DPP10: variants seen among roughly 807,000 people sequenced by gnomAD.
DPP10 encodes dipeptidyl peptidase like 10.
In DPP10, 33 loss-of-function variants were observed where a neutral mutation model predicts 120.9. The observed-to-expected ratio is 0.27, with a 90% confidence interval of 0.21 to 0.37. The LOEUF (loss-of-function observed/expected upper bound fraction) is 0.37. Ranked by LOEUF, DPP10 falls within the 10% of genes least tolerant of loss-of-function variation. The probability of loss-of-function intolerance (pLI) is 1.00; values close to 1 mark genes in which losing one functional copy is unlikely to be tolerated. For synonymous variants in DPP10, 337 were observed against 326.1 expected, an observed-to-expected ratio of 1.03 and a Z score of -0.36; for missense variants, 816 against 942.8, an observed-to-expected ratio of 0.87 and a Z score of 1.76.
At chr2:115,815,933 T>A (rs1687178714) in intron 21 of DPP10, among the ~76,000 whole-genome samples, 1 of 151,556 alleles carries the variant, frequency 6.6e-6, no homozygotes, top group Non-Finnish European at 1.5e-5. Context: ...ATATATATAA[T>A]ATATGTATAT....
At position 114,774,374 on chromosome 2, in the gene DPP10, A is replaced by G. The variant is rs192230019; in HGVS notation, c.60+331536A>G. Among the ~76,000 whole-genome samples the G allele has an allele frequency of 6.1e-3, 932 of 151,904 alleles. 11 individuals are homozygous for G. The highest frequency in any genetic ancestry group is 0.021 in the African/African-American group (856 of 41,436). ...GTTTTTGTTACCACGTTTGTTACAG[A>G]ATGCCATATTTGGACCTATGACAAA... On this transcript the variant is annotated intron_variant, in intron 1 of 25. Coordinates refer to ENST00000410059, the MANE Select transcript of DPP10 (RefSeq NM_020868.6).
intron 1 of DPP10, among the ~76,000 whole-genome samples, chr2:114,644,909 A>G (rs13409986): frequency 0.011 from 1,653 of 151,880 alleles, 61 homozygotes; most frequent in African/African-American, 0.038. Flanking sequence ...TATTTCACTG[A>G]TTTTCTGAGA....
chr2:114,761,810 A>C (rs948249087), intron 1 of DPP10, among the ~76,000 whole-genome samples: 1 of 152,134 alleles, frequency 6.6e-6, no homozygotes, highest in Non-Finnish European at 1.5e-5. Context: ...ACCATTTGAC[A>C]ATCCTCCTCC....
chr2:115,379,474 TC>T (rs2066109730), intron 3 of DPP10, among the ~76,000 whole-genome samples: 1 of 152,182 alleles, frequency 6.6e-6, no homozygotes, highest in Non-Finnish European at 1.5e-5. Flanking sequence ...TAGCGGTCTG[TC>T]AATTTTGTTG....
In DPP10 at chr2:115,095,583, TTG is replaced by T. The variant is rs1491025132; in HGVS notation, c.61-213654_61-213653del. 2.1e-3 allele frequency among the ~76,000 whole-genome samples: 199 copies of T among 96,890 alleles called. 1 individual carries two copies. Among genetic ancestry groups the T allele is most frequent in the Middle Eastern group, 5.1e-3 (1 of 196 alleles). The allele number at this position is 96,890 out of a possible 152,430, so 63.6% of individuals were successfully genotyped here. A position where few individuals can be genotyped will look rare whatever the true frequency, so the allele number is the denominator to read the frequency against. On this transcript the variant is annotated intron_variant, in intron 1 of 25. Coordinates refer to ENST00000410059, the MANE Select transcript of DPP10 (RefSeq NM_020868.6). ...TCTGCAATTCTGTTTGGTTTTTTTT[TTG>T]TTTTTTTTTTTTGATACGGAGTCTC...
intron 1 of DPP10, among the ~76,000 whole-genome samples, chr2:114,566,517 CT>C (rs1346901594): frequency 6.6e-6 from 1 of 152,160 alleles, no homozygotes; most frequent in African/African-American, 2.4e-5. Context: ...AATTATGATC[CT>C]GCTGGTTTCT....
chr2:115,518,945 A>C (rs2077649535), intron 4 of DPP10, among the ~76,000 whole-genome samples: 2 of 152,296 alleles, frequency 1.3e-5, no homozygotes, highest in South Asian at 4.1e-4. Context: ...TAGGATGATT[A>C]TAAAGCACTA....
chr2:115,532,189 A>G (rs1266236936), intron 5 of DPP10, among the ~76,000 whole-genome samples: 4 of 152,078 alleles, frequency 2.6e-5, no homozygotes, highest in Non-Finnish European at 4.4e-5. Flanking sequence ...GTGCTTAGAT[A>G]GTGCATCTGC....
intron 1 of DPP10, among the ~76,000 whole-genome samples, chr2:114,839,520 A>C (rs1219690721): frequency 1.3e-5 from 2 of 152,222 alleles, no homozygotes; most frequent in Non-Finnish European, 1.5e-5. Context: ...AACCATGAAG[A>C]AAATAAACTC....
chr2:114,443,709 A>T (rs1269031825), intron 1 of DPP10, among the ~76,000 whole-genome samples: 1 of 151,690 alleles, frequency 6.6e-6, no homozygotes, highest in Non-Finnish European at 1.5e-5. Context: ...GAAAAAAAAA[A>T]AAAAACTAAA....
At chr2:114,922,726 G>T (rs1461010170) in intron 1 of DPP10, among the ~76,000 whole-genome samples, 1 of 152,054 alleles carries the variant, frequency 6.6e-6, no homozygotes, top group Non-Finnish European at 1.5e-5. Flanking sequence ...TCAACAATTT[G>T]TTTTTTAAAA....
chr2:114,688,978 G>A (rs1453199414), intron 1 of DPP10, among the ~76,000 whole-genome samples: 1 of 151,844 alleles, frequency 6.6e-6, no homozygotes, highest in Non-Finnish European at 1.5e-5. Flanking sequence ...ATCCCGAGAT[G>A]TCATTAACAT....
chr2:115,530,555 A>T (rs899400894), intron 5 of DPP10, among the ~76,000 whole-genome samples: 1 of 151,904 alleles, frequency 6.6e-6, no homozygotes, highest in African/African-American at 2.4e-5. Flanking sequence ...GGTGGCACAC[A>T]CCTGCAGTCC....
At chr2:115,362,142 A>G (rs1343296311) in intron 3 of DPP10, among the ~76,000 whole-genome samples, 1 of 152,140 alleles carries the variant, frequency 6.6e-6, no homozygotes, top group Non-Finnish European at 1.5e-5. Context: ...ACTTTGGATA[A>G]CTATCACTGG....
intron 7 of DPP10, among the ~76,000 whole-genome samples, chr2:115,711,916 GT>G (rs1245249118): frequency 3.4e-4 from 15 of 44,766 alleles, no homozygotes; most frequent in Middle Eastern, 0.038. Context: ...AAATGGTCTG[GT>G]TTTTTTTTTT....
chr2:115,597,789 A>G (rs1299254486), intron 5 of DPP10, among the ~76,000 whole-genome samples: 5 of 151,992 alleles, frequency 3.3e-5, no homozygotes, highest in East Asian at 1.9e-4. Flanking sequence ...CAGTCCTCAT[A>G]AGATCTAGAA....
chr2:114,771,594 TC>T lies in DPP10; in HGVS notation c.60+328757del, dbSNP rs533152710. Among the ~76,000 whole-genome samples, 6 of 152,314 alleles carry T rather than the reference TC, an allele frequency of 3.9e-5. No individual in the cohort carries two copies. The South Asian group carries it at 1.2e-3, about 32-fold the overall frequency. ...CAAGAAAGATAAAGATCTCTTTCTA[TC>T]TTTAGTGATAGCACCCATAGGTGAA... On this transcript the variant is annotated intron_variant, in intron 1 of 25. Transcript: ENST00000410059.
intron 2 of DPP10, among the ~76,000 whole-genome samples, chr2:115,338,772 T>C (rs2063296058): frequency 6.6e-6 from 1 of 152,174 alleles, no homozygotes; most frequent in Non-Finnish European, 1.5e-5. Context: ...TTAAGCCTCA[T>C]GCCATGTGTG....
chr2:115,759,409 AT>A (rs1340512657), intron 11 of DPP10, among the ~76,000 whole-genome samples: 1 of 151,690 alleles, frequency 6.6e-6, no homozygotes, highest in Non-Finnish European at 1.5e-5. Flanking sequence ...AAAAAAAAAA[AT>A]AAAAGCACTC....
Sources: allele counts gnomAD v4.1 joint callset (sites outside exome capture counted in the v4.1 genomes callset), GRCh38; gene constraint gnomAD v4.1.1; transcripts MANE v1.5; gene names NCBI Gene and HGNC (gene_info 2026-07-23, HGNC 2026-07-21).